Variants in ARHGAP26 observed in about 807,000 individuals in gnomAD.
ARHGAP26 encodes the protein rho GTPase-activating protein 26.
Under a neutral mutation model 104.8 loss-of-function variants are expected in ARHGAP26, and 38 were observed. The ratio of observed to expected loss-of-function variants is 0.36; its 90% CI spans 0.28 to 0.48. The LOEUF (loss-of-function observed/expected upper bound fraction) is 0.48, where lower values mean the gene tolerates loss of function less well. Among genes scored for constraint, ARHGAP26 ranks in the 20% least tolerant of loss-of-function variants. ARHGAP26 has a pLI of 0.99. For missense variants in ARHGAP26, 704 were observed against 947.9 expected (o/e 0.74, Z 3.38); for synonymous variants, 341 against 340.0 (o/e 1.00, Z -0.03).
intron 1 of ARHGAP26, among the ~76,000 whole-genome samples, chr5:142,806,694 A>C (rs1763057885): frequency 6.6e-6 from 1 of 152,178 alleles, no homozygotes. Flanking sequence ...GCAACGAAGA[A>C]AAGACAATCC....
chr5:143,063,850 G>A (rs762331840), intron 17 of ARHGAP26, among the ~76,000 whole-genome samples: 3 of 152,172 alleles, frequency 2.0e-5, no homozygotes, highest in Non-Finnish European at 4.4e-5. Context: ...GCCTTTGCTT[G>A]TTCGTCTCTT....
chr5:142,772,797 C>A (rs779603535), intron 1 of ARHGAP26: 3 of 533,376 alleles, frequency 5.6e-6, no homozygotes, highest in Non-Finnish European at 1.2e-5. Context: ...CCTCTTGCAC[C>A]AAGCCCTAGA....
At chr5:143,168,125 C>A (rs887043571) in intron 20 of ARHGAP26, among the ~76,000 whole-genome samples, 1 of 152,136 alleles carries the variant, frequency 6.6e-6, no homozygotes, top group African/African-American at 2.4e-5. Flanking sequence ...ATTTAGACAG[C>A]AAACAGTGGG....
At chr5:142,816,440 A>G (rs1283255347) in intron 1 of ARHGAP26, among the ~76,000 whole-genome samples, 1 of 152,232 alleles carries the variant, frequency 6.6e-6, no homozygotes, top group African/African-American at 2.4e-5. Flanking sequence ...AAATAGTGCC[A>G]TAGGAGGAGT....
At chr5:142,951,797 C>T (rs190865412) in intron 11 of ARHGAP26, among the ~76,000 whole-genome samples, 2 of 152,246 alleles carry the variant, frequency 1.3e-5, no homozygotes, top group Admixed American at 6.5e-5. Flanking sequence ...AGACCACGAG[C>T]GGAATACCTG....
At chr5:142,915,483 C>G (rs1310717229) in intron 10 of ARHGAP26, 1 of 152,126 alleles carries the variant, frequency 6.6e-6, no homozygotes, top group African/African-American at 2.4e-5. Context: ...CTCAGCCTAC[C>G]GAGTAGCTGG....
In ARHGAP26 at chr5:143,065,330, C is replaced by G. The variant is rs572471464; in HGVS notation, c.1538+7583C>G. 5.9e-5 allele frequency among the ~76,000 whole-genome samples: 9 copies of G among 152,188 alleles called. No individual in the cohort carries two copies. In the South Asian group the frequency reaches 1.9e-3, roughly 32 times the overall value. ...CACTGGAGTCCTCTCTTGCTGCATC[C>G]TCTTTGAATTGCATCATGAGTGTTA... On this transcript the variant is annotated intron_variant, in intron 17 of 22. Transcript: ENST00000645722.
chr5:142,970,548 C>A (rs1172220566), intron 11 of ARHGAP26, among the ~76,000 whole-genome samples: 1 of 152,204 alleles, frequency 6.6e-6, no homozygotes, highest in African/African-American at 2.4e-5. Context: ...ATACTTCTTC[C>A]CCTATTGTTC....
chr5:142,845,515 G>A (rs1322831547), intron 1 of ARHGAP26, among the ~76,000 whole-genome samples: 4 of 152,190 alleles, frequency 2.6e-5, no homozygotes, highest in Non-Finnish European at 5.9e-5. Flanking sequence ...TAAAGGAAAT[G>A]CTTTTCCTTC....
At chr5:143,118,703 G>T (rs1795776142) in intron 17 of ARHGAP26, among the ~76,000 whole-genome samples, 1 of 152,092 alleles carries the variant, frequency 6.6e-6, no homozygotes, top group Admixed American at 6.5e-5. Context: ...GCCCAGGAGT[G>T]TGAGGGTGCA....
At chr5:143,021,121 C>A (rs937024410) in intron 12 of ARHGAP26, among the ~76,000 whole-genome samples, 26 of 152,110 alleles carry the variant, frequency 1.7e-4, no homozygotes, top group African/African-American at 6.0e-4. Flanking sequence ...AACATTCAGT[C>A]AAAAATCATT....
intron 1 of ARHGAP26, among the ~76,000 whole-genome samples, chr5:142,805,824 T>A (rs936613241): frequency 6.6e-6 from 1 of 152,138 alleles, no homozygotes; most frequent in African/African-American, 2.4e-5. Context: ...GTAGGGTGGG[T>A]AAAAGGCTCC....
At chr5:143,164,931 CAAAAG>C (rs1232764873) in intron 20 of ARHGAP26, 1 of 152,138 alleles carries the variant, frequency 6.6e-6, no homozygotes, top group South Asian at 2.1e-4. Flanking sequence ...TGTCGGGCCT[CAAAAG>C]AGAAGAGCAA....
chr5:143,130,509 T>C (rs1797203522), intron 18 of ARHGAP26, among the ~76,000 whole-genome samples: 1 of 152,220 alleles, frequency 6.6e-6, no homozygotes, highest in Non-Finnish European at 1.5e-5. Context: ...CATAAATCCA[T>C]GGCTCATAGG....
At chr5:142,919,419 A>C (rs951881709) in intron 10 of ARHGAP26, 4 of 398,466 alleles carry the variant, frequency 1.0e-5, no homozygotes, top group Middle Eastern at 6.2e-4. Flanking sequence ...TAGACCTGTG[A>C]AGCAATAAAT....
intron 11 of ARHGAP26, among the ~76,000 whole-genome samples, chr5:143,008,107 T>G (rs1163472453): frequency 6.6e-6 from 1 of 152,236 alleles, no homozygotes. Context: ...AAGTTAATCC[T>G]TATAGAATGT....
chr5:142,919,226 A>G, intron 10 of ARHGAP26: 1 of 398,632 alleles, frequency 2.5e-6, no homozygotes, highest in Non-Finnish European at 4.4e-6. Context: ...ATTTGGACCC[A>G]GAGATGGACA....
chr5:143,124,385 T>TC (rs1350839758), intron 18 of ARHGAP26, among the ~76,000 whole-genome samples: 1 of 152,218 alleles, frequency 6.6e-6, no homozygotes, highest in Non-Finnish European at 1.5e-5. Flanking sequence ...CCAAACCTAG[T>TC]GACTTAAAAT....
intron 12 of ARHGAP26, among the ~76,000 whole-genome samples, chr5:143,031,940 C>T (rs760544070): frequency 5.9e-5 from 9 of 152,086 alleles, no homozygotes; most frequent in Admixed American, 1.3e-4. Flanking sequence ...TCCAGCCTCC[C>T]GGGGTTCATA....
Sources: gnomAD v4.1 joint callset for allele counts (sites outside exome capture counted in the v4.1 genomes callset) on GRCh38, gnomAD v4.1.1 for gene constraint, MANE v1.5 for transcripts, NCBI Gene and HGNC (gene_info 2026-07-23, HGNC 2026-07-21) for gene names.